The following MOV10 variants were observed in gnomAD, a reference collection of about 807,000 sequenced individuals.
MOV10 encodes RNA helicase MOV-10.
MOV10 carries 39 observed loss-of-function variants against 108.4 expected under a neutral mutation model. The observed-to-expected ratio is 0.36, with a 90% CI of 0.28 to 0.47. MOV10 has a LOEUF of 0.47. Among genes scored for constraint, MOV10 ranks in the 20% least tolerant of loss-of-function variants. The pLI, the probability that MOV10 is intolerant of heterozygous loss-of-function variation, is 1.00. For synonymous variants in MOV10, 490 were observed against 523.1 expected (o/e 0.94, Z 0.86); for missense variants, 952 against 1,297.6 (o/e 0.73, Z 4.09).
chr1:112,699,474 C>T, intron 17 of MOV10: 1 of 1,417,332 alleles, frequency 7.1e-7, no homozygotes, highest in Non-Finnish European at 9.2e-7. Flanking sequence ...TTGCAGGCCC[C>T]AGCCCTCAGC....
At chr1:112,689,795 G>C in intron 4 of MOV10, 45 bp from the exon 5 acceptor site, 1 of 1,601,346 alleles carries the variant, frequency 6.2e-7, no homozygotes, top group Non-Finnish European at 8.5e-7. Context: ...TAAGGATATG[G>C]GTGGGAGGGT....
chr1:112,677,006 G>A (rs1672246242), intron 2 of MOV10, among the ~76,000 whole-genome samples: 1 of 152,208 alleles, frequency 6.6e-6, no homozygotes, highest in South Asian at 2.1e-4. Context: ...ATGGGTGAAT[G>A]TAGGCATTTT....
At chr1:112,699,368 TA>T in intron 17 of MOV10, 1 of 859,908 alleles carries the variant, frequency 1.2e-6, no homozygotes, top group Non-Finnish European at 1.5e-6. Context: ...TGTATATTCT[TA>T]ACAGATACTT....
At chr1:112,678,972 C>G (rs1672418725) in intron 2 of MOV10, among the ~76,000 whole-genome samples, 1 of 151,982 alleles carries the variant, frequency 6.6e-6, no homozygotes, top group Admixed American at 6.6e-5. Context: ...TAGTTTCACT[C>G]CCTGCTCTCT....
At position 112,696,468 on chromosome 1, in the gene MOV10, T is replaced by C. The variant is rs777300998; in HGVS notation, c.1915T>C (p.Phe639Leu). The change falls in exon 13 of 21, where the codon TTC (phenylalanine) becomes CTC (leucine). Residue 639 changes from phenylalanine to leucine, a missense_variant. By Grantham distance (22) the Phe-to-Leu change is conservative. Transcript: ENST00000369645. Reference protein sequence around the residue: ...LVSAQFPIDHFTHIFIDEAGH... With the variant: ...LVSAQFPIDHLTHIFIDEAGH... ...CTCGGCCCAGTTTCCCATTGATCACTTCACACACATCTTCATCGATGAGGC... is the reference window on the plus strand; with the variant it reads ...CTCGGCCCAGTTTCCCATTGATCACCTCACACACATCTTCATCGATGAGGC... The C allele has an allele frequency of 6.2e-7, 1 of 1,614,086 alleles. No homozygotes were observed. Among genetic ancestry groups the C allele is most frequent in the Non-Finnish European group, 8.5e-7 (1 of 1,180,000 alleles).
intron 12 of MOV10, 24 bp from the exon 13 acceptor site, chr1:112,696,413 C>T: frequency 3.2e-6 from 5 of 1,584,548 alleles, no homozygotes; most frequent in Non-Finnish European, 4.3e-6. Context: ...GGATATGACC[C>T]CTGCCTGGCC....
chr1:112,698,693 G>T, intron 16 of MOV10, 22 bp from the exon 17 acceptor site: 1 of 1,610,550 alleles, frequency 6.2e-7, no homozygotes, highest in Non-Finnish European at 8.5e-7. Context: ...ACGAGAGAAA[G>T]GCACCTGTCC....
chr1:112,674,499 G>A (rs1028691905), upstream of MOV10: 6 of 155,250 alleles, frequency 3.9e-5, no homozygotes, highest in South Asian at 1.1e-3. Flanking sequence ...TTTTCACTGA[G>A]TCCCGAGGCT....
At chr1:112,686,420 A>AT (rs935759733) in intron 2 of MOV10, among the ~76,000 whole-genome samples, 1 of 151,960 alleles carries the variant, frequency 6.6e-6, no homozygotes, top group African/African-American at 2.4e-5. Flanking sequence ...CTGATACCTG[A>AT]TTTTGAGACT....
chr1:112,678,486 CT>C (rs1672373317), intron 2 of MOV10, among the ~76,000 whole-genome samples: 1 of 152,050 alleles, frequency 6.6e-6, no homozygotes, highest in African/African-American at 2.4e-5. Context: ...GTGATGAGTG[CT>C]TGTACAGAAA....
chr1:112,696,818 T>G lies in MOV10; in HGVS notation c.2170T>G (p.Phe724Val). 6.2e-7 allele frequency: 1 copy of G among 1,602,686 alleles called. No individual in the cohort carries two copies. Among genetic ancestry groups the G allele is most frequent in the Non-Finnish European group, 8.5e-7 (1 of 1,173,926 alleles). Residue 724 changes from phenylalanine (F) to valine (V), a missense_variant, in exon 14 of 21, where the codon TTC becomes GTC. By Grantham distance (50) the Phe-to-Val change is conservative. This residue lies in a region of MOV10 where 453 missense variants were observed against 611.5 expected (regional missense o/e 0.74). Transcript: ENST00000369645. ...GGGCCCTGATGGCTATGACCCCCAG[T>G]TCATAACCAAGCTGCTCCGCAACTA... ...KKGPDGYDPQFITKLLRNYRS... is the reference protein window; with the variant it reads ...KKGPDGYDPQVITKLLRNYRS...
intron 2 of MOV10, among the ~76,000 whole-genome samples, chr1:112,681,529 C>A (rs1672652479): frequency 6.6e-6 from 1 of 152,062 alleles, no homozygotes; most frequent in Non-Finnish European, 1.5e-5. Context: ...ACGTCCTACT[C>A]TCTCAACTGT....
At position 112,694,551 on chromosome 1, in the gene MOV10, G is replaced by A; in HGVS notation, c.1394G>A (p.Gly465Glu). ...CAGCACCGTGCCCTGGAGCTGACAG[G>A]GCGCTGGCTGCTGTGGCCCATGCTC... ...RVQHRALELT[G>E]RWLLWPMLFP... is the part of the protein sequence containing the mutation. The change falls in exon 9 of 21, where the codon GGG becomes GAG. Residue 465 changes from glycine (G) to glutamate (E), a missense_variant. Coordinates refer to ENST00000369645, the MANE Select transcript of MOV10 (RefSeq NM_001321324.2). The surrounding 1 kb of genome is among the most constrained non-coding windows in gnomAD (Gnocchi z 4.1). 6.2e-7 allele frequency: 1 copy of A among 1,614,082 alleles called. No individual in the cohort carries two copies. The highest frequency in any genetic ancestry group is 1.7e-5 in the Admixed American group (1 of 60,008).
Position 112,689,927 on chromosome 1 carries a change from G to A in MOV10, c.665G>A (p.Gly222Glu), listed in dbSNP as rs1570781488. 5 of 1,614,086 alleles carry A rather than the reference G, an allele frequency of 3.1e-6. No homozygotes were observed. In the South Asian group the frequency reaches 4.4e-5, roughly 14 times the overall value. ...GTGCTCTGGGAGCTGCTGGGACCTG[G>A]GGAGTCGGGTTCAGAAGGAGCCGGC... ...ATVLWELLGP[G>E]ESGSEGAGTF... The change falls in exon 5 of 21, where the codon GGG (glycine) becomes GAG (glutamate). Residue 222 changes from glycine (G) to glutamate (E), a missense_variant. Physicochemically the swap from Gly to Glu is moderately conservative, Grantham distance 98 (BLOSUM62 -2). Coordinates refer to ENST00000369645, the MANE Select transcript of MOV10 (RefSeq NM_001321324.2).
At chr1:112,689,220 G>T in intron 3 of MOV10, 82 bp downstream of exon 3, 1 of 1,419,114 alleles carries the variant, frequency 7.0e-7, no homozygotes, top group Non-Finnish European at 9.7e-7. Context: ...GGAAAGAGTG[G>T]GTTACACAAG....
intron 3 of MOV10, 110 bp downstream of exon 3, chr1:112,689,248 CCTT>C (rs1673345125): frequency 1.6e-6 from 2 of 1,281,180 alleles, no homozygotes; most frequent in East Asian, 2.5e-5. Flanking sequence ...AAGTCCCCCT[CCTT>C]CAGGGAATGG....
At position 112,694,409 on chromosome 1, in the gene MOV10, C is replaced by T; in HGVS notation, c.1296-44C>T. The T allele has an allele frequency of 1.2e-6, 2 of 1,610,962 alleles. No individual in the cohort carries two copies. The highest frequency in any genetic ancestry group is 1.7e-6 in the Non-Finnish European group (2 of 1,178,300). On this transcript the variant is annotated intron_variant, in intron 8 of 20. Coordinates refer to ENST00000369645, the MANE Select transcript of MOV10 (RefSeq NM_001321324.2). The surrounding 1 kb of genome is among the most constrained non-coding windows in gnomAD (Gnocchi z 4.1). ...AAAGTTCTGGCCCTTTATTGCCCACCTCCCCTGCCCCAACAAACTCTTACC... is the reference window on the plus strand; with the variant it reads ...AAAGTTCTGGCCCTTTATTGCCCACTTCCCCTGCCCCAACAAACTCTTACC...
intron 2 of MOV10, among the ~76,000 whole-genome samples, chr1:112,678,246 A>C (rs1672351792): frequency 6.6e-6 from 1 of 152,036 alleles, no homozygotes; most frequent in Non-Finnish European, 1.5e-5. Context: ...GGTACCCCTC[A>C]TTAGTGCGAT....
chr1:112,689,397 G>GTCA lies in MOV10; in HGVS notation c.342-18_342-17insTCA. On this transcript the variant is annotated splice_polypyrimidine_tract_variant and intron_variant, in intron 3 of 20. Coordinates refer to ENST00000369645, the MANE Select transcript of MOV10 (RefSeq NM_001321324.2). ...ACCGCTCCCACCCCAACCCCCCCTT[G>GTCA]ACTCCCCTTCTCCCCAGGGCTGAGT... The GTCA allele has an allele frequency of 4.9e-6, 3 of 615,488 alleles. No individual in the cohort carries two copies. Among genetic ancestry groups the GTCA allele is most frequent in the Non-Finnish European group, 8.8e-6 (3 of 342,262 alleles). 38.1% of individuals were successfully genotyped at this position (615,488 alleles called of 1,614,324 possible).
Sources: allele counts gnomAD v4.1 joint callset (sites outside exome capture counted in the v4.1 genomes callset), GRCh38; gene constraint gnomAD v4.1.1; regional missense constraint gnomAD v4.1.1; non-coding constraint Gnocchi (gnomAD v3.1); transcripts MANE v1.5; gene names NCBI Gene and HGNC (gene_info 2026-07-23, HGNC 2026-07-21).